The following FBXL5 variants were observed in gnomAD, a reference collection of about 807,000 sequenced individuals.
FBXL5 encodes F-box and leucine rich repeat protein 5.
FBXL5 carries 26 observed loss-of-function variants against 78.3 expected under a neutral mutation model. The observed-to-expected ratio is 0.33, with a 90% CI of 0.24 to 0.46. The LOEUF is 0.46. FBXL5 is among the 20% of genes least tolerant of loss of function. The probability of loss-of-function intolerance (pLI) is 1.00; values close to 1 mark genes in which losing one functional copy is unlikely to be tolerated. For synonymous variants in FBXL5, 295 were observed against 282.5 expected (o/e 1.04, Z -0.45); for missense variants, 710 against 829.2 (o/e 0.86, Z 1.77).
chr4:15,622,734 A>G (rs1712611370), intron 9 of FBXL5, among the ~76,000 whole-genome samples: 2 of 152,218 alleles, frequency 1.3e-5, no homozygotes, highest in Non-Finnish European at 2.9e-5. Context: ...TTAAATGTTT[A>G]GAAAGAATCC....
intron 1 of FBXL5, among the ~76,000 whole-genome samples, chr4:15,646,866 A>G (rs1715410626): frequency 6.6e-6 from 1 of 151,888 alleles, no homozygotes; most frequent in South Asian, 2.1e-4. Flanking sequence ...TATTTTTTTA[A>G]TGGCAAAAAG....
At chr4:15,616,500 T>G (rs943244023) in intron 9 of FBXL5, among the ~76,000 whole-genome samples, 4 of 152,212 alleles carry the variant, frequency 2.6e-5, no homozygotes, top group African/African-American at 9.6e-5. Context: ...GTTTCATGCC[T>G]GCCCATCTGC....
intron 9 of FBXL5, among the ~76,000 whole-genome samples, chr4:15,617,044 T>C (rs578213336): frequency 6.6e-6 from 1 of 152,196 alleles, no homozygotes; most frequent in South Asian, 2.1e-4. Flanking sequence ...AGTTCAACCA[T>C]TGTGGAGGAC....
intron 1 of FBXL5, among the ~76,000 whole-genome samples, chr4:15,651,724 TAA>T (rs1279249280): frequency 2.6e-5 from 4 of 152,216 alleles, no homozygotes; most frequent in Non-Finnish European, 4.4e-5. Flanking sequence ...AATGTATAAA[TAA>T]ATTCTTTCAT....
intron 1 of FBXL5, among the ~76,000 whole-genome samples, chr4:15,666,959 C>T (rs1717572892): frequency 6.6e-6 from 1 of 151,660 alleles, no homozygotes; most frequent in Non-Finnish European, 1.5e-5. Flanking sequence ...ATCAAAACAT[C>T]ACATTGTATC....
intron 1 of FBXL5, among the ~76,000 whole-genome samples, chr4:15,654,819 G>A (rs1216712112): frequency 2.0e-5 from 3 of 152,210 alleles, no homozygotes; most frequent in Admixed American, 2.0e-4. Context: ...TCCACCGCAG[G>A]TGGCCGGCCG....
At chr4:15,642,451 G>A (rs766932553) in intron 2 of FBXL5, among the ~76,000 whole-genome samples, 3 of 151,938 alleles carry the variant, frequency 2.0e-5, no homozygotes, top group Non-Finnish European at 2.9e-5. Context: ...GGCCAGGCTG[G>A]TCTCGAACTC....
At chr4:15,675,607 G>A (rs1294989862) in intron 1 of FBXL5, among the ~76,000 whole-genome samples, 1 of 106,326 alleles carries the variant, frequency 9.4e-6, no homozygotes, top group African/African-American at 3.6e-5. Flanking sequence ...TTGAGGCAGA[G>A]TTTTGCTCTT....
At chr4:15,616,402 G>GC (rs1228447220) in intron 9 of FBXL5, among the ~76,000 whole-genome samples, 1 of 108,446 alleles carries the variant, frequency 9.2e-6, no homozygotes, top group East Asian at 3.3e-4. Flanking sequence ...ACAGCACCAT[G>GC]CCCCCTCAAC....
chr4:15,665,948 G>C (rs915384672), intron 1 of FBXL5, among the ~76,000 whole-genome samples: 2 of 151,962 alleles, frequency 1.3e-5, no homozygotes, highest in Non-Finnish European at 2.9e-5. Context: ...TAATGCAAGA[G>C]GAAGCTGAAT....
chr4:15,653,836 T>C (rs1716455069), intron 1 of FBXL5, among the ~76,000 whole-genome samples: 1 of 152,220 alleles, frequency 6.6e-6, no homozygotes, highest in Non-Finnish European at 1.5e-5. Flanking sequence ...TGCACTCAAA[T>C]GGAGAGCTTT....
chr4:15,639,799 A>C (rs536451061), intron 3 of FBXL5, among the ~76,000 whole-genome samples: 5 of 152,208 alleles, frequency 3.3e-5, no homozygotes, highest in Admixed American at 6.5e-5. Flanking sequence ...TTAAAATACT[A>C]TCGGGGTTTC....
intron 1 of FBXL5, among the ~76,000 whole-genome samples, chr4:15,649,647 ATC>A (rs1389190083): frequency 2.6e-5 from 4 of 151,910 alleles, no homozygotes; most frequent in African/African-American, 9.7e-5. Flanking sequence ...CTTTTTTGAA[ATC>A]TGTTTATATA....
At chr4:15,666,398 T>G (rs1011355660) in intron 1 of FBXL5, among the ~76,000 whole-genome samples, 1 of 151,928 alleles carries the variant, frequency 6.6e-6, no homozygotes, top group Non-Finnish European at 1.5e-5. Context: ...AGACCCTGCC[T>G]AAAAAAATAA....
chr4:15,605,949 T>C (rs987994639), intron 10 of FBXL5, 150 bp from the exon 11 acceptor site: 6 of 605,130 alleles, frequency 9.9e-6, no homozygotes, highest in Admixed American at 5.6e-5. Flanking sequence ...TAAGAAATTA[T>C]TCAGACACAA....
At chr4:15,673,863 C>A (rs1235400122) in intron 1 of FBXL5, among the ~76,000 whole-genome samples, 1 of 152,172 alleles carries the variant, frequency 6.6e-6, no homozygotes, top group Non-Finnish European at 1.5e-5. Flanking sequence ...TGTACTATGG[C>A]TTAGAAATTC....
chr4:15,617,056 G>A (rs1711964629), intron 9 of FBXL5, among the ~76,000 whole-genome samples: 1 of 152,212 alleles, frequency 6.6e-6, no homozygotes, highest in African/African-American at 2.4e-5. Flanking sequence ...GTGGAGGACA[G>A]TATAGCAATT....
intron 1 of FBXL5, among the ~76,000 whole-genome samples, chr4:15,678,087 A>G (rs538742748): frequency 3.9e-5 from 6 of 152,314 alleles, no homozygotes; most frequent in African/African-American, 1.4e-4. Flanking sequence ...CTTTTCTCAT[A>G]AATTATATAT....
chr4:15,617,754 C>T (rs560182102), intron 9 of FBXL5, among the ~76,000 whole-genome samples: 29 of 152,114 alleles, frequency 1.9e-4, no homozygotes, highest in East Asian at 5.8e-4. Flanking sequence ...GGCAGCTAAA[C>T]GATCAGAACA....
Sources: allele counts gnomAD v4.1 joint callset (sites outside exome capture counted in the v4.1 genomes callset), GRCh38; gene constraint gnomAD v4.1.1; transcripts MANE v1.5; gene names NCBI Gene and HGNC (gene_info 2026-07-23, HGNC 2026-07-21).